Variants in GPN3 observed in about 807,000 individuals in gnomAD.
GPN3 encodes the protein GPN-loop GTPase 3.
Under a neutral mutation model 38.7 loss-of-function variants are expected in GPN3, and 31 were observed. The ratio of observed to expected loss-of-function variants is 0.80; its 90% CI spans 0.60 to 1.08. The LOEUF (loss-of-function observed/expected upper bound fraction) is 1.08, where lower values mean the gene tolerates loss of function less well. Among genes scored for constraint, GPN3 ranks in the 50% least tolerant of loss-of-function variants. The pLI is 0.00. For missense variants in GPN3, 301 were observed against 354.4 expected, an observed-to-expected ratio of 0.85 and a Z score of 1.21; for synonymous variants, 116 against 120.2, an observed-to-expected ratio of 0.96 and a Z score of 0.23.
At chr12:110,459,601 G>T in intron 3 of GPN3, 94 bp downstream of exon 3, 2 of 871,252 alleles carry the variant, frequency 2.3e-6, no homozygotes, top group Non-Finnish European at 3.8e-6. Flanking sequence ...CTGCAGTATA[G>T]TTTAGAGCTA....
At chr12:110,457,673 G>GTA in intron 3 of GPN3, 39 bp from the exon 4 acceptor site, 4 of 1,501,632 alleles carry the variant, frequency 2.7e-6, no homozygotes, top group Non-Finnish European at 3.6e-6. Context: ...GAAATAGCAA[G>GTA]TATGTTAAAT....
In GPN3 at chr12:110,452,846, G is replaced by T. The variant is rs976913505; in HGVS notation, c.*188C>A. On this transcript the variant is annotated 3_prime_UTR_variant, in exon 8 of 8. Coordinates refer to ENST00000228827, the MANE Select transcript of GPN3 (RefSeq NM_016301.4). ...AAGTGATGCTGTTATAATACTAAAA[G>T]ATTCCACTTTAAACAGCAGCAGTTT... 8.9e-6 allele frequency: 5 copies of T among 560,728 alleles called. No homozygotes were observed. In the East Asian group the frequency reaches 9.6e-5, roughly 11 times the overall value. The allele number at this position is 560,728 out of a possible 1,614,324, so 34.7% of individuals were successfully genotyped here. A position where few individuals can be genotyped will look rare whatever the true frequency, so the allele number is the denominator to read the frequency against.
At position 110,453,011 on chromosome 12, in the gene GPN3, G is replaced by A. The variant is rs1204546905; in HGVS notation, c.*23C>T. 2 of 1,041,868 alleles carry A rather than the reference G, an allele frequency of 1.9e-6. No individual in the cohort carries two copies. Among genetic ancestry groups the A allele is most frequent in the Non-Finnish European group, 3.0e-6 (2 of 657,188 alleles). The allele number at this position is 1,041,868 out of a possible 1,614,324, so 64.5% of individuals were successfully genotyped here. Reference sequence around the variant, plus strand: ...TGCTGGTTTGGCCACAAGCTCTTTAGATGGTTACTTTTAGTAAACTCTTCA... The same window carrying A: ...TGCTGGTTTGGCCACAAGCTCTTTAAATGGTTACTTTTAGTAAACTCTTCA... On this transcript the variant is annotated 3_prime_UTR_variant, in exon 8 of 8. Transcript: ENST00000228827.
Position 110,468,167 on chromosome 12 carries a change from C to T in GPN3, c.37G>A (p.Gly13Ser), listed in dbSNP as rs748907866. ...CCGCAGATCCTCACCTTCCCGCTGC[C>T]CGCGGGGCCCATGACCAGCTGCGCA... is the stretch of plus-strand genomic sequence containing the variant. ...RYAQLVMGPA[G>S]SGKSTYCATM... The change falls in exon 1 of 8, where the codon GGC becomes AGC. Residue 13 changes from glycine to serine, a missense_variant. By Grantham distance (56) the Gly-to-Ser change is moderately conservative. Coordinates refer to ENST00000228827, the MANE Select transcript of GPN3 (RefSeq NM_016301.4). The T allele has an allele frequency of 8.7e-6, 14 of 1,613,280 alleles. No homozygotes were observed. The South Asian group carries it at 1.3e-4, about 15-fold the overall frequency.
rs1340515539 is a variant in GPN3 at position 110,455,662 on chromosome 12, T to C, written c.587A>G (p.Tyr196Cys). The change falls in exon 6 of 8, where the codon TAT becomes TGT. Residue 196 changes from tyrosine to cysteine, a missense_variant. Tyr to Cys is a radical substitution (Grantham distance 194). Transcript: ENST00000228827. ...ACTTGTAGAATCTTCTAATAAAGAA[T>C]ACATGTCTGGATCTAAAAATCTTTA... is the stretch of plus-strand genomic sequence containing the variant. ...EIEKFLDPDMYSLLEDSTSDL... is the reference protein window; with the variant it reads ...EIEKFLDPDMCSLLEDSTSDL... The C allele has an allele frequency of 7.5e-7, 1 of 1,338,346 alleles. No homozygotes were observed. Among genetic ancestry groups the C allele is most frequent in the South Asian group, 1.2e-5 (1 of 84,294 alleles). The allele number at this position is 1,338,346 out of a possible 1,614,324, so 82.9% of individuals were successfully genotyped here.
At chr12:110,462,582 G>A (rs1272251417) in intron 2 of GPN3, among the ~76,000 whole-genome samples, 2 of 152,038 alleles carry the variant, frequency 1.3e-5, no homozygotes, top group Non-Finnish European at 2.9e-5. Context: ...GGCAGTGCAG[G>A]TTGTACTTCT....
chr12:110,465,128 G>A lies in GPN3; in HGVS notation c.135C>T (p.His45=), dbSNP rs200618992. ...TACCAGCCATCACGGAGTAGTTGAA[G>A]TGTTCTGCTGCTGGATCCAGGTTTA... ...QVVNLDPAAE[H]FNYSVMADIR... is the part of the protein sequence containing the mutation. The change falls in exon 2 of 8, where the codon CAC becomes CAT. Residue 45 remains histidine, a synonymous_variant. Transcript: ENST00000228827. The A allele has an allele frequency of 1.6e-5, 26 of 1,598,910 alleles. No homozygotes were observed. In the East Asian group the frequency reaches 5.6e-4, roughly 34 times the overall value.
chr12:110,468,267 G>C, upstream of GPN3: 3 of 1,602,320 alleles, frequency 1.9e-6, no homozygotes, highest in South Asian at 3.3e-5. Context: ...TGAGCTCCGG[G>C]AAAGTGAAGT....
chr12:110,459,893 T>C (rs777875006), intron 2 of GPN3, 31 bp from the exon 3 acceptor site: 10 of 1,563,504 alleles, frequency 6.4e-6, no homozygotes, highest in East Asian at 2.3e-5. Context: ...CCAGAATATA[T>C]GTGTCCCTTC....
chr12:110,461,119 G>C, intron 2 of GPN3: 1 of 1,330,568 alleles, frequency 7.5e-7, no homozygotes, highest in South Asian at 1.2e-5. Context: ...GTGCCCCTCA[G>C]GCACTCAAAG....
At chr12:110,456,844 TG>T (rs2062553702) in intron 4 of GPN3, among the ~76,000 whole-genome samples, 1 of 152,054 alleles carries the variant, frequency 6.6e-6, no homozygotes, top group African/African-American at 2.4e-5. Flanking sequence ...ACTACAGGCA[TG>T]TGCCACAACG....
Position 110,465,215 on chromosome 12 carries a change from CT to C in GPN3, c.49-2del. ...GGACCATGGTGGCACAGTAGGTGCT[CT>C]GTAATGTCACAAGGCATGAGAGGTT... On this transcript the variant is annotated splice_acceptor_variant, in intron 1 of 7. Transcript: ENST00000228827. LOFTEE classifies it high-confidence loss of function. 6.4e-7 allele frequency: 1 copy of C among 1,561,032 alleles called. No homozygotes were observed. Among genetic ancestry groups the C allele is most frequent in the Non-Finnish European group, 8.8e-7 (1 of 1,131,520 alleles).
intron 2 of GPN3, among the ~76,000 whole-genome samples, chr12:110,462,089 T>C (rs535453531): frequency 1.2e-4 from 18 of 152,290 alleles, no homozygotes; most frequent in African/African-American, 4.3e-4. Flanking sequence ...GCCATCCATC[T>C]GCTTTGGCCT....
Position 110,453,875 on chromosome 12 carries a change from C to T in GPN3, c.664-4G>A, listed in dbSNP as rs748826922. Reference sequence around the variant, plus strand: ...GAACCATGCTGTAGTCATCAATCTACAAGTTGTGGATTTCAAGAAAAGTTC... The same window carrying T: ...GAACCATGCTGTAGTCATCAATCTATAAGTTGTGGATTTCAAGAAAAGTTC... On this transcript the variant is annotated splice_region_variant and splice_polypyrimidine_tract_variant and intron_variant, in intron 6 of 7. Coordinates refer to ENST00000228827, the MANE Select transcript of GPN3 (RefSeq NM_016301.4). 39 of 1,596,290 alleles carry T rather than the reference C, an allele frequency of 2.4e-5. No individual in the cohort carries two copies. Among genetic ancestry groups the T allele is most frequent in the Non-Finnish European group, 3.2e-5 (37 of 1,170,858 alleles).
chr12:110,455,997 G>A, intron 4 of GPN3, 67 bp from the exon 5 acceptor site: 1 of 843,510 alleles, frequency 1.2e-6, no homozygotes, highest in Admixed American at 1.8e-5. Flanking sequence ...TCTGCATAAA[G>A]AGTCTTCTAT....
intron 2 of GPN3, among the ~76,000 whole-genome samples, chr12:110,462,280 C>T (rs2062594966): frequency 6.6e-6 from 1 of 152,124 alleles, no homozygotes; most frequent in African/African-American, 2.4e-5. Flanking sequence ...TGCCTCCCCG[C>T]AACCTGCTCA....
rs1424047005 is a variant in GPN3, at chr12:110,457,518, A to T, written c.442T>A (p.Ser148Thr). The T allele has an allele frequency of 6.3e-7, 1 of 1,582,714 alleles. No individual in the cohort carries two copies. The highest frequency in any genetic ancestry group is 1.1e-5 in the South Asian group (1 of 87,582). Residue 148 changes from serine to threonine, a missense_variant, in exon 4 of 8, where the codon TCA becomes ACA. Transcript: ENST00000228827. ...GAGATTTAGCTTCAGACCTTGAATGACTCCACCATGAACTGAGAATCAACA... is the reference window on the plus strand; with the variant it reads ...GAGATTTAGCTTCAGACCTTGAATGTCTCCACCATGAACTGAGAATCAACA... ...FLVDSQFMVE[S>T]FKFISGILAA...
intron 2 of GPN3, among the ~76,000 whole-genome samples, chr12:110,463,794 A>AC (rs1480204547): frequency 1.3e-4 from 19 of 151,434 alleles, no homozygotes; most frequent in African/African-American, 4.1e-4. Context: ...AAAAAAAAAA[A>AC]AAACCCCAAA....
intron 2 of GPN3, among the ~76,000 whole-genome samples, chr12:110,462,246 A>G (rs1001684684): frequency 6.6e-6 from 1 of 152,134 alleles, no homozygotes; most frequent in African/African-American, 2.4e-5. Context: ...AAAGCATTTC[A>G]CATCTCCTCC....
Sources: allele counts gnomAD v4.1 joint callset (sites outside exome capture counted in the v4.1 genomes callset), GRCh38; gene constraint gnomAD v4.1.1; transcripts MANE v1.5; gene names NCBI Gene and HGNC (gene_info 2026-07-23, HGNC 2026-07-21).